Variants in RBM19 observed in about 807,000 individuals in gnomAD.
RBM19 encodes the protein probable RNA-binding protein 19.
In RBM19, 94 loss-of-function variants were observed where a neutral mutation model predicts 116.8. The ratio of observed to expected loss-of-function variants is 0.80; its 90% CI spans 0.68 to 0.95. The LOEUF is 0.95. Among genes scored for constraint, RBM19 ranks in the 40% least tolerant of loss-of-function variants. The probability of loss-of-function intolerance (pLI) is 0.00; values close to 1 mark genes in which losing one functional copy is unlikely to be tolerated. For synonymous variants in RBM19, 475 were observed against 494.1 expected (o/e 0.96, Z 0.51); for missense variants, 1,161 against 1,220.7 (o/e 0.95, Z 0.73).
At chr12:113,865,002 T>C (rs1446801300) in intron 21 of RBM19, among the ~76,000 whole-genome samples, 1 of 152,202 alleles carries the variant, frequency 6.6e-6, no homozygotes, top group Non-Finnish European at 1.5e-5. Flanking sequence ...TGGAGTTCTG[T>C]GTGTATGTGC....
At chr12:113,887,732 T>C (rs1880643496) in intron 21 of RBM19, among the ~76,000 whole-genome samples, 1 of 151,812 alleles carries the variant, frequency 6.6e-6, no homozygotes, top group Non-Finnish European at 1.5e-5. Flanking sequence ...CCCAACCTTT[T>C]TGTGTGTGAC....
intron 10 of RBM19, among the ~76,000 whole-genome samples, chr12:113,948,111 C>A (rs769396114): frequency 6.6e-6 from 1 of 152,182 alleles, no homozygotes; most frequent in Non-Finnish European, 1.5e-5. Flanking sequence ...GGCATCCTTA[C>A]CCTGACAACG....
At chr12:113,933,473 G>T (rs897829126) in intron 16 of RBM19, among the ~76,000 whole-genome samples, 1 of 152,194 alleles carries the variant, frequency 6.6e-6, no homozygotes, top group African/African-American at 2.4e-5. Flanking sequence ...CCGATGACGC[G>T]GGACACAGCG....
intron 18 of RBM19, among the ~76,000 whole-genome samples, chr12:113,922,871 C>T (rs758300200): frequency 1.3e-5 from 2 of 152,194 alleles, no homozygotes; most frequent in South Asian, 2.1e-4. Flanking sequence ...CGGAAGCTCA[C>T]GCTTGTAATA....
rs111640528 is a variant in RBM19 at position 113,922,951 on chromosome 12, T to C, written c.2305+1746A>G. On this transcript the variant is annotated intron_variant, in intron 18 of 23. Coordinates refer to ENST00000261741, the MANE Select transcript of RBM19 (RefSeq NM_016196.4). The stretch of plus-strand genomic sequence containing the variant: ...GAGTTCGAGACCAGCCTGACCAACA[T>C]GGTGAAACCCCATCTCTACCAAGAA... Among the ~76,000 whole-genome samples, 802 of 152,246 alleles carry C rather than the reference T, an allele frequency of 5.3e-3. 8 individuals carry two copies. Among genetic ancestry groups the C allele is most frequent in the African/African-American group, 0.017 (724 of 41,536 alleles).
chr12:113,819,419 C>T (rs926194433), downstream of RBM19, among the ~76,000 whole-genome samples: 4 of 152,164 alleles, frequency 2.6e-5, no homozygotes, highest in Admixed American at 6.5e-5. Flanking sequence ...GTGACCATAT[C>T]GGCAGGGAAG....
At chr12:113,934,156 C>T (rs10850247) in intron 16 of RBM19, among the ~76,000 whole-genome samples, 24,216 of 152,114 alleles carry the variant, frequency 0.16, 2,546 homozygotes, top group African/African-American at 0.3. Context: ...TTTTGCCATG[C>T]TGTCCAGGCT....
intron 22 of RBM19, among the ~76,000 whole-genome samples, chr12:113,851,291 C>T (rs1877423850): frequency 6.6e-6 from 1 of 152,192 alleles, no homozygotes; most frequent in South Asian, 2.1e-4. Flanking sequence ...CTCTCCCTCT[C>T]ATTCATTCAT....
chr12:113,826,075 T>TG (rs1052781308), intron 23 of RBM19, among the ~76,000 whole-genome samples: 1 of 152,186 alleles, frequency 6.6e-6, no homozygotes, highest in Admixed American at 6.5e-5. Flanking sequence ...CTCAGGGCCT[T>TG]GCACCTGCTG....
chr12:113,940,295 AC>A, intron 14 of RBM19, 135 bp from the exon 15 acceptor site: 1 of 892,594 alleles, frequency 1.1e-6, no homozygotes, highest in Non-Finnish European at 1.7e-6. Context: ...TAGGAGGAAG[AC>A]CCAGGAGGAA....
chr12:113,959,926 G>A (rs1872341695), intron 3 of RBM19, 23 bp from the exon 4 acceptor site: 1 of 1,614,172 alleles, frequency 6.2e-7, no homozygotes, highest in Admixed American at 1.7e-5. Flanking sequence ...GGCACAGAGA[G>A]TGAGGGTCAC....
intron 21 of RBM19, among the ~76,000 whole-genome samples, chr12:113,895,679 G>A (rs1346492220): frequency 6.6e-6 from 1 of 152,150 alleles, no homozygotes; most frequent in African/African-American, 2.4e-5. Flanking sequence ...CCAGGGAGGA[G>A]GGTGGCACAA....
At chr12:113,816,741 T>G (rs1375803368), downstream of RBM19, 1 of 152,234 alleles carries the variant, frequency 6.6e-6, no homozygotes, top group Non-Finnish European at 1.5e-5. Flanking sequence ...ATGCAAGCAT[T>G]CTATTAATCT....
At chr12:113,959,973 C>T (rs1392564779) in intron 3 of RBM19, 70 bp from the exon 4 acceptor site, 30 of 1,613,362 alleles carry the variant, frequency 1.9e-5, no homozygotes, top group Non-Finnish European at 2.5e-5. Context: ...ACTGCACTGA[C>T]CTGGGAGGGC....
At chr12:113,924,640 T>C in intron 18 of RBM19, 57 bp downstream of exon 18, 2 of 1,445,376 alleles carry the variant, frequency 1.4e-6, no homozygotes, top group Admixed American at 1.7e-5. Flanking sequence ...GAGCTTCTTT[T>C]GGAATCCACT....
At chr12:113,933,181 G>A (rs1165400324) in intron 16 of RBM19, among the ~76,000 whole-genome samples, 3 of 151,298 alleles carry the variant, frequency 2.0e-5, no homozygotes, top group African/African-American at 7.3e-5. Context: ...AAGGAAGGGG[G>A]TAAAATAAAA....
chr12:113,924,277 T>C (rs183900769), intron 18 of RBM19, among the ~76,000 whole-genome samples: 104 of 152,340 alleles, frequency 6.8e-4, no homozygotes, highest in Non-Finnish European at 1.3e-3. Context: ...AACTGGGTTA[T>C]CTCCCTCAGA....
rs2290788 is a variant in RBM19, at chr12:113,940,030, A to G, written c.1868T>C (p.Ile623Thr). The change falls in exon 15 of 24, where the codon ATC (isoleucine) becomes ACC (threonine). Residue 623 changes from isoleucine to threonine, a missense_variant. By Grantham distance (89) the Ile-to-Thr change is moderately conservative. Coordinates refer to ENST00000261741, the MANE Select transcript of RBM19 (RefSeq NM_016196.4). ...CTCCAGGAACTCCACGATGGCAGTG[A>G]TTCCGCCCTCTGGCAGCAGCACGCG... ...LGRVLLPEGG[I>T]TAIVEFLEPL... 189,686 of 1,613,916 alleles carry G rather than the reference A, an allele frequency of 0.12. 13,150 individuals are homozygous for G. Among genetic ancestry groups the G allele is most frequent in the African/African-American group, 0.31 (23,116 of 74,972 alleles).
intron 22 of RBM19, among the ~76,000 whole-genome samples, chr12:113,846,875 G>A (rs531411548): frequency 1.9e-4 from 29 of 152,174 alleles, no homozygotes; most frequent in African/African-American, 5.8e-4. Flanking sequence ...GCAATGCCTC[G>A]CTAAGTTTTT....
Sources: gnomAD v4.1 joint callset for allele counts (sites outside exome capture counted in the v4.1 genomes callset) on GRCh38, gnomAD v4.1.1 for gene constraint, MANE v1.5 for transcripts, NCBI Gene and HGNC (gene_info 2026-07-23, HGNC 2026-07-21) for gene names.